CYRIB: variants seen among roughly 807,000 people sequenced by gnomAD.
The protein encoded by CYRIB is CYFIP related Rac1 interactor B, also known as CYFIP-related Rac1 interactor B.
In CYRIB, 8 loss-of-function variants were observed where a neutral mutation model predicts 44.2. That is an observed-to-expected ratio of 0.18 (90% CI 0.11 to 0.33). The LOEUF is 0.33. CYRIB is among the 10% of genes least tolerant of loss of function. The pLI, the probability that CYRIB is intolerant of heterozygous loss-of-function variation, is 1.00. For synonymous variants in CYRIB, 131 were observed against 127.2 expected (o/e 1.03, Z -0.20); for missense variants, 185 against 382.8 (o/e 0.48, Z 4.31).
At chr8:130,003,350 C>G (rs775454332) in intron 1 of CYRIB, among the ~76,000 whole-genome samples, 94 of 152,310 alleles carry the variant, frequency 6.2e-4, no homozygotes, top group Non-Finnish European at 1.0e-3. Flanking sequence ...GTTCAAGGCT[C>G]TGGACATCAA....
intron 4 of CYRIB, among the ~76,000 whole-genome samples, chr8:129,865,295 C>T (rs1345371783): frequency 6.6e-6 from 1 of 152,186 alleles, no homozygotes; most frequent in Non-Finnish European, 1.5e-5. Context: ...CTTTAACTAG[C>T]TCTGCAGATT....
intron 2 of CYRIB, among the ~76,000 whole-genome samples, chr8:129,885,888 T>C (rs1346277637): frequency 1.3e-5 from 2 of 152,034 alleles, no homozygotes. Flanking sequence ...CAACCCATCC[T>C]CCATTCTCAC....
At chr8:129,965,750 C>T (rs2095452462) in intron 2 of CYRIB, among the ~76,000 whole-genome samples, 1 of 151,242 alleles carries the variant, frequency 6.6e-6, no homozygotes. Flanking sequence ...GAGCTGAGAT[C>T]GCGCCACTGC....
intron 1 of CYRIB, among the ~76,000 whole-genome samples, chr8:129,976,717 G>A (rs1229286608): frequency 6.6e-6 from 1 of 152,146 alleles, no homozygotes; most frequent in Admixed American, 6.6e-5. Flanking sequence ...GATTCTTAAT[G>A]TTTACATTAC....
intron 2 of CYRIB, among the ~76,000 whole-genome samples, chr8:129,883,000 A>T (rs1180174004): frequency 2.7e-5 from 4 of 150,880 alleles, no homozygotes; most frequent in African/African-American, 7.3e-5. Context: ...GTTCGAGACC[A>T]GTCTGGCCAA....
At chr8:129,852,270 T>A in exon 8 of CYRIB, 1 of 1,559,032 alleles carries the variant, frequency 6.4e-7, no homozygotes, top group Non-Finnish European at 8.7e-7. Context: ...CTTCATTTTC[T>A]CCTTCTGCCT....
At chr8:129,946,847 C>T (rs902491969) in intron 2 of CYRIB, among the ~76,000 whole-genome samples, 1 of 152,184 alleles carries the variant, frequency 6.6e-6, no homozygotes, top group African/African-American at 2.4e-5. Context: ...ATCACATTGG[C>T]TGTTCCCTTC....
chr8:129,979,333 C>T (rs1389491339), intron 1 of CYRIB, among the ~76,000 whole-genome samples: 1 of 152,010 alleles, frequency 6.6e-6, no homozygotes, highest in Non-Finnish European at 1.5e-5. Context: ...AGTTTACAAA[C>T]ATTCTCTGGC....
intron 1 of CYRIB, among the ~76,000 whole-genome samples, chr8:129,985,210 T>C (rs1271259626): frequency 6.6e-6 from 1 of 152,178 alleles, no homozygotes; most frequent in Non-Finnish European, 1.5e-5. Flanking sequence ...TATTTACCAG[T>C]AAGGGTTGTG....
chr8:129,878,534 C>T (rs1588347198), intron 3 of CYRIB, among the ~76,000 whole-genome samples: 2 of 152,050 alleles, frequency 1.3e-5, no homozygotes, highest in Non-Finnish European at 2.9e-5. Flanking sequence ...GATTAAAAAC[C>T]TAAGAAATAC....
intron 1 of CYRIB, among the ~76,000 whole-genome samples, chr8:129,976,230 T>A (rs896584020): frequency 1.3e-5 from 2 of 152,192 alleles, no homozygotes; most frequent in Admixed American, 1.3e-4. Context: ...CTTATGCCTA[T>A]AATCCTGTTC....
intron 1 of CYRIB, among the ~76,000 whole-genome samples, chr8:129,937,694 A>G (rs900443244): frequency 6.6e-6 from 1 of 152,328 alleles, no homozygotes; most frequent in African/African-American, 2.4e-5. Context: ...CCTCCCTCTG[A>G]TCAACCAACC....
At chr8:129,991,967 A>G (rs1267707061) in intron 1 of CYRIB, among the ~76,000 whole-genome samples, 7,540 of 132,748 alleles carry the variant, frequency 0.057, 524 homozygotes, top group South Asian at 0.18. Flanking sequence ...AAAAAAAAAA[A>G]AAAAACAATA....
At chr8:129,917,077 T>C (rs2081136727) in intron 1 of CYRIB, among the ~76,000 whole-genome samples, 1 of 152,140 alleles carries the variant, frequency 6.6e-6, no homozygotes, top group South Asian at 2.1e-4. Flanking sequence ...TCACAAACAT[T>C]CACTTAGTTG....
At chr8:129,848,535 T>G (rs2041546815) in intron 10 of CYRIB, among the ~76,000 whole-genome samples, 1 of 152,166 alleles carries the variant, frequency 6.6e-6, no homozygotes, top group Admixed American at 6.5e-5. Flanking sequence ...GGAAAATACA[T>G]AAAGTCTTCA....
intron 1 of CYRIB, among the ~76,000 whole-genome samples, chr8:129,929,209 G>A (rs993244754): frequency 2.6e-5 from 4 of 152,002 alleles, no homozygotes; most frequent in African/African-American, 9.7e-5. Flanking sequence ...GAAATGTCCA[G>A]GAAAGAATAA....
At chr8:129,998,852 G>C (rs567095575) in intron 1 of CYRIB, among the ~76,000 whole-genome samples, 9 of 152,166 alleles carry the variant, frequency 5.9e-5, no homozygotes, top group African/African-American at 1.9e-4. Context: ...AGGTGGTCTC[G>C]AACTCCTGAC....
chr8:129,926,066 T>C (rs189904711), intron 1 of CYRIB, among the ~76,000 whole-genome samples: 2 of 152,340 alleles, frequency 1.3e-5, no homozygotes, highest in Admixed American at 6.5e-5. Flanking sequence ...CATGGTGTCC[T>C]TAAAACTCAC....
intron 1 of CYRIB, among the ~76,000 whole-genome samples, chr8:129,912,847 G>A (rs909834653): frequency 3.3e-5 from 5 of 151,852 alleles, no homozygotes; most frequent in South Asian, 4.2e-4. Context: ...TCATGTTTAC[G>A]GTGACAGAAA....
Sources: allele counts gnomAD v4.1 joint callset (sites outside exome capture counted in the v4.1 genomes callset), GRCh38; gene constraint gnomAD v4.1.1; transcripts MANE v1.5; gene names NCBI Gene and HGNC (gene_info 2026-07-23, HGNC 2026-07-21).